Variants in NAALADL2 observed in about 807,000 individuals in gnomAD.
The protein encoded by NAALADL2 is inactive N-acetylated-alpha-linked acidic dipeptidase-like protein 2.
A neutral mutation model predicts 87.2 loss-of-function variants in NAALADL2; 76 were observed. The ratio of observed to expected loss-of-function variants is 0.87; its 90% CI spans 0.72 to 1.05. The LOEUF (loss-of-function observed/expected upper bound fraction) is 1.05, where lower values mean the gene tolerates loss of function less well. NAALADL2 is among the 50% of genes least tolerant of loss of function. NAALADL2 has a pLI of 0.00. For missense variants in NAALADL2, 1,089 were observed against 945.8 expected (o/e 1.15, Z -1.99); for synonymous variants, 354 against 331.0 (o/e 1.07, Z -0.75).
intron 3 of NAALADL2, among the ~76,000 whole-genome samples, chr3:174,744,501 G>C (rs1734066631): frequency 6.6e-6 from 1 of 152,038 alleles, no homozygotes. Flanking sequence ...AAAATAGTGG[G>C]AGATTTTAAC....
chr3:174,780,687 A>G (rs1715855979), intron 3 of NAALADL2, among the ~76,000 whole-genome samples: 1 of 152,118 alleles, frequency 6.6e-6, no homozygotes, highest in Non-Finnish European at 1.5e-5. Context: ...AATTTTCAGC[A>G]TGAAGCGCTG....
intron 1 of NAALADL2, among the ~76,000 whole-genome samples, chr3:174,940,491 C>T (rs1380257480): frequency 6.6e-6 from 1 of 151,990 alleles, no homozygotes; most frequent in Non-Finnish European, 1.5e-5. Flanking sequence ...TTTGTCTCTG[C>T]CAGTATTTGG....
Position 175,233,970 on chromosome 3 carries a change from A to G in NAALADL2, c.585A>G (p.Glu195=), listed in dbSNP as rs1745409356. The part of the protein sequence containing the change: ...VQLYKNEDDM[E]ISKKIKTQWT... Reference sequence around the variant, plus strand: ...TATATAAAAATGAAGATGACATGGAAATTTCAAAGAAGATTAAGACTCAGT... The same window carrying G: ...TATATAAAAATGAAGATGACATGGAGATTTCAAAGAAGATTAAGACTCAGT... The change falls in exon 3 of 14, where the codon GAA becomes GAG. Residue 195 remains glutamate, a synonymous_variant. Transcript: ENST00000454872. 6.2e-7 allele frequency: 1 copy of G among 1,601,186 alleles called. No homozygotes were observed. Among genetic ancestry groups the G allele is most frequent in the African/African-American group, 1.3e-5 (1 of 74,568 alleles).
At chr3:174,450,567 A>C (rs1715409469) in intron 1 of NAALADL2, among the ~76,000 whole-genome samples, 1 of 148,510 alleles carries the variant, frequency 6.7e-6, no homozygotes, top group Admixed American at 6.6e-5. Flanking sequence ...AATTTTCTCA[A>C]GTTTCAAGAC....
intron 10 of NAALADL2, among the ~76,000 whole-genome samples, chr3:175,621,790 A>C (rs1368987812): frequency 2.6e-5 from 4 of 151,916 alleles, no homozygotes; most frequent in Non-Finnish European, 5.9e-5. Flanking sequence ...ATACTATACC[A>C]TTTTATGTAA....
At chr3:174,814,671 C>T (rs1169829686) in intron 3 of NAALADL2, among the ~76,000 whole-genome samples, 1 of 151,950 alleles carries the variant, frequency 6.6e-6, no homozygotes, top group Non-Finnish European at 1.5e-5. Context: ...AATTTAAGTA[C>T]TACTATCAGA....
At chr3:175,439,834 G>T (rs957111274) in intron 5 of NAALADL2, among the ~76,000 whole-genome samples, 2 of 151,526 alleles carry the variant, frequency 1.3e-5, no homozygotes, top group Non-Finnish European at 2.9e-5. Flanking sequence ...CACTTGGTGG[G>T]TTGTCTGTTC....
At chr3:174,774,184 C>T (rs958897296) in intron 3 of NAALADL2, among the ~76,000 whole-genome samples, 2 of 152,102 alleles carry the variant, frequency 1.3e-5, no homozygotes, top group African/African-American at 4.8e-5. Flanking sequence ...GGGATTATAA[C>T]CAATAGATAC....
At chr3:175,283,532 A>G (rs1023270653) in intron 4 of NAALADL2, among the ~76,000 whole-genome samples, 2 of 152,116 alleles carry the variant, frequency 1.3e-5, no homozygotes, top group Non-Finnish European at 2.9e-5. Flanking sequence ...AGCCCTCCGT[A>G]GCAATGTTAT....
chr3:175,778,623 G>A (rs574252568), intron 13 of NAALADL2, among the ~76,000 whole-genome samples: 25 of 152,252 alleles, frequency 1.6e-4, no homozygotes, highest in African/African-American at 4.3e-4. Flanking sequence ...GCTTTTTATT[G>A]TATATGTCAG....
At chr3:174,894,535 A>G (rs1287429421) in intron 1 of NAALADL2, among the ~76,000 whole-genome samples, 1 of 138,000 alleles carries the variant, frequency 7.2e-6, no homozygotes, top group East Asian at 2.2e-4. Flanking sequence ...CGGAGGTTGC[A>G]ATGAGCCGAG....
chr3:175,660,779 T>C (rs374909514), intron 11 of NAALADL2, among the ~76,000 whole-genome samples: 1 of 152,138 alleles, frequency 6.6e-6, no homozygotes, highest in East Asian at 1.9e-4. Context: ...TGTTCCTAGC[T>C]TATTTCATTT....
Position 174,853,162 on chromosome 3 carries a change from G to A in NAALADL2, c.-9+115416G>A, listed in dbSNP as rs183858581. 2.0e-3 allele frequency among the ~76,000 whole-genome samples: 260 copies of A among 128,768 alleles called. 1 individual carries two copies. The highest frequency in any genetic ancestry group is 6.8e-3 in the African/African-American group (233 of 34,054). 84.5% of individuals were successfully genotyped at this position (128,768 alleles called of 152,430 possible). On this transcript the variant is annotated intron_variant, in intron 3 of 3. Transcript: ENST00000434257. The stretch of plus-strand genomic sequence containing the variant: ...GGGCAGATCACGAGGTCAGGAAATC[G>A]AGACCATCCTGGCCAACATGGTGAA...
At chr3:174,973,622 G>C (rs550752417) in intron 1 of NAALADL2, among the ~76,000 whole-genome samples, 1 of 152,162 alleles carries the variant, frequency 6.6e-6, no homozygotes, top group East Asian at 1.9e-4. Flanking sequence ...TTGTTAGGCA[G>C]TTCCGTCATT....
chr3:174,555,870 C>T (rs1031840128), intron 2 of NAALADL2, among the ~76,000 whole-genome samples: 1 of 152,032 alleles, frequency 6.6e-6, no homozygotes, highest in Admixed American at 6.6e-5. Flanking sequence ...CCTGTTTCCG[C>T]TATTTTCTCA....
intron 4 of NAALADL2, among the ~76,000 whole-genome samples, chr3:175,278,504 A>G (rs998103002): frequency 9.9e-5 from 15 of 152,218 alleles, no homozygotes; most frequent in Admixed American, 6.5e-5. Flanking sequence ...AACACTCACC[A>G]TAGTGATTTT....
At chr3:175,721,828 AG>A (rs745975939) in intron 11 of NAALADL2, among the ~76,000 whole-genome samples, 1 of 152,098 alleles carries the variant, frequency 6.6e-6, no homozygotes, top group Non-Finnish European at 1.5e-5. Context: ...GCCTTAGAGA[AG>A]GACCGTGAGC....
upstream of NAALADL2, chr3:174,859,222 T>C: frequency 1.7e-6 from 1 of 581,552 alleles, no homozygotes; most frequent in Non-Finnish European, 3.1e-6. Context: ...AGATATGATC[T>C]CACTTCATAG....
chr3:175,727,427 A>G (rs1027736474), intron 11 of NAALADL2, among the ~76,000 whole-genome samples: 5 of 152,180 alleles, frequency 3.3e-5, no homozygotes, highest in African/African-American at 7.2e-5. Context: ...ACCAAACAGG[A>G]TAAGTCACAG....
Sources: allele counts gnomAD v4.1 joint callset (sites outside exome capture counted in the v4.1 genomes callset), GRCh38; gene constraint gnomAD v4.1.1; transcripts MANE v1.5; gene names NCBI Gene and HGNC (gene_info 2026-07-23, HGNC 2026-07-21).